SETDB1: variants seen among roughly 807,000 people sequenced by gnomAD.
SETDB1 encodes the protein histone-lysine N-methyltransferase SETDB1.
A neutral mutation model predicts 137.4 loss-of-function variants in SETDB1; 31 were observed. That is an observed-to-expected ratio of 0.23 (90% confidence interval 0.17 to 0.30). SETDB1 has a LOEUF of 0.30. Ranked by LOEUF, SETDB1 falls within the 10% of genes least tolerant of loss-of-function variation. The probability of loss-of-function intolerance (pLI) is 1.00; values close to 1 mark genes in which losing one functional copy is unlikely to be tolerated. For synonymous variants in SETDB1, 548 were observed against 579.9 expected, an observed-to-expected ratio of 0.95 and a Z score of 0.79; for missense variants, 1,113 against 1,631.5, an observed-to-expected ratio of 0.68 and a Z score of 5.47.
chr1:150,934,072 C>G (rs1422261525), intron 3 of SETDB1, among the ~76,000 whole-genome samples: 1 of 151,934 alleles, frequency 6.6e-6, no homozygotes, highest in Non-Finnish European at 1.5e-5. Context: ...AGTGAGCCAC[C>G]ACACCCGGCC....
intron 3 of SETDB1, among the ~76,000 whole-genome samples, chr1:150,932,511 A>T (rs1296484247): frequency 1.3e-5 from 2 of 152,180 alleles, no homozygotes; most frequent in Non-Finnish European, 2.9e-5. Flanking sequence ...AAAAATTGAA[A>T]AAGTAATAGA....
Position 150,963,714 on chromosome 1 carries a change from T to C in SETDB1, c.3645T>C (p.Leu1215=), listed in dbSNP as rs1266800320. The change falls in exon 20 of 22, where the codon CTT becomes CTC. Residue 1215 remains leucine, a synonymous_variant. Coordinates refer to ENST00000692827, the MANE Select transcript of SETDB1 (RefSeq NM_001366418.1). ...EESCYIIDAK[L]EGNLGRYLNH... is the part of the protein sequence containing the mutation. ...CTTGCTACATCATTGATGCCAAGCT[T>C]GAAGGCAACCTGGGCCGCTACCTCA... 6.2e-7 allele frequency: 1 copy of C among 1,614,072 alleles called. No homozygotes were observed. The highest frequency in any genetic ancestry group is 1.3e-5 in the African/African-American group (1 of 74,932).
At position 150,949,370 on chromosome 1, in the gene SETDB1, C is replaced by T; in HGVS notation, c.1428C>T (p.Ser476=). The part of the protein sequence containing the change: ...PLSPQAGDSE[S]LESQLAQSRK... ...GCCCTCTTCTCTAATCTCCTAGAAG[C>T]TTGGAAAGCCAGCTTGCCCAGTCAC... The change falls in exon 12 of 22, where the codon AGC becomes AGT. Residue 476 remains serine (S), a synonymous_variant. Transcript: ENST00000692827. The T allele has an allele frequency of 6.2e-7, 1 of 1,614,152 alleles. No homozygotes were observed. The highest frequency in any genetic ancestry group is 8.5e-7 in the Non-Finnish European group (1 of 1,180,006).
chr1:150,947,155 A>C (rs1670355738), intron 10 of SETDB1, 143 bp downstream of exon 10: 2 of 952,548 alleles, frequency 2.1e-6, no homozygotes, highest in African/African-American at 3.3e-5. Context: ...GTTTCCAATC[A>C]TGGTGATCAA....
At chr1:150,960,499 AAC>A in intron 15 of SETDB1, 62 bp from the exon 16 acceptor site, 8 of 1,405,428 alleles carry the variant, frequency 5.7e-6, no homozygotes, top group East Asian at 2.4e-5. Flanking sequence ...AAAAAAAGCA[AAC>A]AAAAAAAAAA....
intron 7 of SETDB1, 136 bp downstream of exon 7, chr1:150,943,189 C>T (rs1381741003): frequency 1.7e-5 from 11 of 630,270 alleles, no homozygotes; most frequent in Non-Finnish European, 2.5e-5. Context: ...TCTTTCTTTA[C>T]CACAGGAGTC....
intron 14 of SETDB1, among the ~76,000 whole-genome samples, chr1:150,956,385 CAAA>C (rs5777743): frequency 5.1e-5 from 6 of 116,842 alleles, no homozygotes; most frequent in Admixed American, 8.4e-5. Context: ...GACTCCGCCT[CAAA>C]AAAAAAAAAA....
rs587760501 is a variant in SETDB1 at position 150,950,675 on chromosome 1, C to T, written c.1801C>T (p.Leu601=). 1.9e-6 allele frequency: 3 copies of T among 1,614,108 alleles called. No individual in the cohort carries two copies. The highest frequency in any genetic ancestry group is 1.7e-6 in the Non-Finnish European group (2 of 1,180,050). The part of the protein sequence containing the change: ...RNEQYRGKNP[L]LVPLLYDFRR... ...TGAGCAGTACCGGGGCAAGAACCCT[C>T]TGCTGGTCCCGTTACTATATGACTT... Residue 601 remains leucine, a synonymous_variant, in exon 13 of 22, where the codon CTG becomes TTG. Coordinates refer to ENST00000692827, the MANE Select transcript of SETDB1 (RefSeq NM_001366418.1).
At chr1:150,933,749 CTTTTTCTTT>C (rs1669845096) in intron 3 of SETDB1, among the ~76,000 whole-genome samples, 1 of 11,058 alleles carries the variant, frequency 9.0e-5, no homozygotes, top group African/African-American at 1.6e-4. Flanking sequence ...TCTGATTTTT[CTTTTTCTTT>C]TTCTTTTTCT....
Position 150,959,365 on chromosome 1 carries a change from A to G in SETDB1, c.2503+18A>G. The G allele has an allele frequency of 6.3e-7, 1 of 1,592,052 alleles. No homozygotes were observed. Among genetic ancestry groups the G allele is most frequent in the Non-Finnish European group, 8.5e-7 (1 of 1,170,028 alleles). The stretch of plus-strand genomic sequence containing the variant: ...TTATGCAGGTTGGTGATAAAATATA[A>G]GGGTTGTTTCCTGAGACTGGGACAT... On this transcript the variant is annotated intron_variant, in intron 15 of 21. Coordinates refer to ENST00000692827, the MANE Select transcript of SETDB1 (RefSeq NM_001366418.1).
At chr1:150,931,667 AAAAAG>A (rs1669757054) in intron 3 of SETDB1, among the ~76,000 whole-genome samples, 1 of 147,232 alleles carries the variant, frequency 6.8e-6, no homozygotes, top group African/African-American at 2.5e-5. Flanking sequence ...AAAAAAAAAA[AAAAAG>A]AAACCACACT....
chr1:150,951,056 G>T lies in SETDB1; in HGVS notation c.2182G>T (p.Val728Phe). The change falls in exon 13 of 22, where the codon GTT becomes TTT. Residue 728 changes from valine (V) to phenylalanine (F), a missense_variant. Transcript: ENST00000692827. ...VFINTGPEFL[V>F]GCDCKDGCRD... is the part of the protein sequence containing the mutation. ...CATTAACACAGGCCCTGAATTTCTGGTTGGCTGTGACTGCAAGGATGGGTG... is the reference window on the plus strand; with the variant it reads ...CATTAACACAGGCCCTGAATTTCTGTTTGGCTGTGACTGCAAGGATGGGTG... The T allele has an allele frequency of 6.2e-7, 1 of 1,612,122 alleles. No homozygotes were observed. Among genetic ancestry groups the T allele is most frequent in the Non-Finnish European group, 8.5e-7 (1 of 1,178,300 alleles).
At chr1:150,945,343 A>T (rs587620575) in intron 9 of SETDB1, 83 of 1,397,162 alleles carry the variant, frequency 5.9e-5, no homozygotes, top group Admixed American at 2.1e-4. Context: ...TGATTTATTT[A>T]TTTTTTTTCT....
At chr1:150,958,400 T>G (rs1432999056) in intron 14 of SETDB1, among the ~76,000 whole-genome samples, 1 of 151,630 alleles carries the variant, frequency 6.6e-6, no homozygotes, top group African/African-American at 2.4e-5. Context: ...TACAGATGCA[T>G]GCCACCACAC....
Position 150,960,974 on chromosome 1 carries a change from C to G in SETDB1, c.2915C>G (p.Pro972Arg). 1 of 1,614,000 alleles carries G rather than the reference C, an allele frequency of 6.2e-7. No homozygotes were observed. Among genetic ancestry groups the G allele is most frequent in the Non-Finnish European group, 8.5e-7 (1 of 1,180,002 alleles). ...ATCCCTGTAGGTGGCTGCAATCCAC[C>G]TTCCTCCGAAGAGACACCCAAGAAC... ...PSIPVGGCNPPSSEETPKNKV... is the reference protein window; with the variant it reads ...PSIPVGGCNPRSSEETPKNKV... Residue 972 changes from proline to arginine, a missense_variant, in exon 16 of 22, where the codon CCT becomes CGT. This residue lies in a region of SETDB1 where 373 missense variants were observed against 412.7 expected (regional missense o/e 0.90). Transcript: ENST00000692827.
intron 10 of SETDB1, 35 bp from the exon 11 acceptor site, chr1:150,949,087 C>T (rs1227939930): frequency 6.3e-7 from 1 of 1,592,792 alleles, no homozygotes; most frequent in African/African-American, 1.3e-5. Context: ...TCATAGCTAT[C>T]ATCTTCTCAG....
chr1:150,949,311 T>C (rs1170967869), intron 11 of SETDB1, 33 bp downstream of exon 11: 1 of 1,612,630 alleles, frequency 6.2e-7, no homozygotes, highest in Admixed American at 1.7e-5. Context: ...CTTCAGTTTC[T>C]TTCATATTAT....
chr1:150,960,509 AAAAC>A, intron 15 of SETDB1, 50 bp from the exon 16 acceptor site: 1 of 1,486,870 alleles, frequency 6.7e-7, no homozygotes, highest in Non-Finnish European at 9.0e-7. Context: ...AACAAAAAAA[AAAAC>A]TAATAGGTCC....
At position 150,961,192 on chromosome 1, in the gene SETDB1, G is replaced by C; in HGVS notation, c.3132+1G>C. 6.2e-7 allele frequency: 1 copy of C among 1,612,452 alleles called. No homozygotes were observed. The highest frequency in any genetic ancestry group is 8.5e-7 in the Non-Finnish European group (1 of 1,179,880). On this transcript the variant is annotated splice_donor_variant, in intron 16 of 21. Coordinates refer to ENST00000692827, the MANE Select transcript of SETDB1 (RefSeq NM_001366418.1). LOFTEE classifies it high-confidence loss of function. ...AGACATCAAACAGGCCAAGAAAGAG[G>C]TAAGCAGTGGCAGAACACTCTGAGA...
Sources: gnomAD v4.1 joint callset for allele counts (sites outside exome capture counted in the v4.1 genomes callset) on GRCh38, gnomAD v4.1.1 for gene constraint, gnomAD v4.1.1 regional missense constraint, MANE v1.5 for transcripts, NCBI Gene and HGNC (gene_info 2026-07-23, HGNC 2026-07-21) for gene names.